Variants in PEX3 observed in about 807,000 individuals in gnomAD.
PEX3 encodes the protein peroxisomal biogenesis factor 3.
Under a neutral mutation model 55.8 loss-of-function variants are expected in PEX3, and 30 were observed. The observed-to-expected ratio is 0.54, with a 90% CI of 0.40 to 0.73. PEX3 has a LOEUF of 0.73. Ranked by LOEUF, PEX3 falls within the 30% of genes least tolerant of loss-of-function variation. PEX3 has a pLI of 0.00. For synonymous variants in PEX3, 135 were observed against 148.4 expected, an observed-to-expected ratio of 0.91 and a Z score of 0.66; for missense variants, 351 against 432.8, an observed-to-expected ratio of 0.81 and a Z score of 1.68.
rs1779796924 is a variant in PEX3 at position 143,453,079 on chromosome 6, T to C, written c.73+1964T>C. Among the ~76,000 whole-genome samples, 1 of 152,202 alleles carries C rather than the reference T, an allele frequency of 6.6e-6. No homozygotes were observed. Among genetic ancestry groups the C allele is most frequent in the African/African-American group, 2.4e-5 (1 of 41,436 alleles). On this transcript the variant is annotated intron_variant, in intron 1 of 11. Coordinates refer to ENST00000367591, the MANE Select transcript of PEX3 (RefSeq NM_003630.3). The surrounding 1 kb of genome is among the most constrained non-coding windows in gnomAD (Gnocchi z 4.6). ...GAACTGGAATTCAAACCCAGGTGTG[T>C]TGGACCACAAAGCACATTCTATTTC...
intron 9 of PEX3, among the ~76,000 whole-genome samples, chr6:143,478,592 AAG>A (rs1255627622): frequency 6.6e-6 from 1 of 152,020 alleles, no homozygotes; most frequent in Admixed American, 6.6e-5. Context: ...GTGAGGAACT[AAG>A]AGAGTATAAT....
chr6:143,472,007 T>TG (rs1322877246), intron 7 of PEX3, among the ~76,000 whole-genome samples, 153 bp from the exon 8 acceptor site: 7 of 152,296 alleles, frequency 4.6e-5, no homozygotes, highest in Admixed American at 2.6e-4. Context: ...CCTTAACTAG[T>TG]GGCTGATTTC....
rs1003164398 is a variant in PEX3, at chr6:143,478,329, T to G, written c.819-747T>G. ...TCTAAAATTGGATTGTAGCGATAGT[T>G]GCACAACTATGCAAATTTACTCAAA... On this transcript the variant is annotated intron_variant, in intron 9 of 11. Transcript: ENST00000367591. Among the ~76,000 whole-genome samples the G allele has an allele frequency of 7.2e-5, 11 of 152,262 alleles. 2 individuals are homozygous for G. Among genetic ancestry groups the G allele is most frequent in the East Asian group, 1.9e-4 (1 of 5,184 alleles).
intron 1 of PEX3, among the ~76,000 whole-genome samples, chr6:143,455,359 ATTTTTTTTTTT>A (rs56788350): frequency 1.4e-5 from 1 of 71,968 alleles, no homozygotes; most frequent in Non-Finnish European, 2.7e-5. Flanking sequence ...CGCCCGGCTA[ATTTTTTTTTTT>A]TTTTTTTTTT....
intron 3 of PEX3, among the ~76,000 whole-genome samples, chr6:143,467,826 C>A (rs1257872539): frequency 6.6e-6 from 1 of 151,998 alleles, no homozygotes; most frequent in Non-Finnish European, 1.5e-5. Context: ...TCTAAAACAG[C>A]AAGTTAGGGA....
chr6:143,462,620 G>GACCA lies in PEX3; in HGVS notation c.206-295_206-292dup, dbSNP rs1779937610. 6.6e-6 allele frequency among the ~76,000 whole-genome samples: 1 copy of GACCA among 152,138 alleles called. No homozygotes were observed. Among genetic ancestry groups the GACCA allele is most frequent in the African/African-American group, 2.4e-5 (1 of 41,428 alleles). The stretch of plus-strand genomic sequence containing the variant: ...AATTGTTCATAATCCATAGCTCAAA[G>GACCA]ACCACCACTGTTAAAATCTGAGAAT... On this transcript the variant is annotated intron_variant, in intron 2 of 11. Coordinates refer to ENST00000367591, the MANE Select transcript of PEX3 (RefSeq NM_003630.3). This position sits in a 1 kb window ranked among gnomAD's most constrained non-coding sequence, Gnocchi z 4.1.
At position 143,486,425 on chromosome 6, in the gene PEX3, C is replaced by T. The variant is rs148073564; in HGVS notation, c.1038+1177C>T. ...CTTAATGCTTAAATAATTTTATGCA[C>T]TACACTTTAATTAAAATCGATATAA... On this transcript the variant is annotated intron_variant, in intron 11 of 11. Transcript: ENST00000367591. This position sits in a 1 kb window ranked among gnomAD's most constrained non-coding sequence, Gnocchi z 5.0. Among the ~76,000 whole-genome samples, 86 of 152,094 alleles carry T rather than the reference C, an allele frequency of 5.7e-4. No homozygotes were observed. Among genetic ancestry groups the T allele is most frequent in the Non-Finnish European group, 1.0e-3 (71 of 67,960 alleles).
Position 143,487,497 on chromosome 6 carries a change from G to T in PEX3, c.1039-1646G>T, listed in dbSNP as rs1780336690. ...TCCTCCAGTGTTTAAATCATTTTTAGTGTATAAATTAAAAACTCAATAAGA... is the reference window on the plus strand; with the variant it reads ...TCCTCCAGTGTTTAAATCATTTTTATTGTATAAATTAAAAACTCAATAAGA... On this transcript the variant is annotated intron_variant, in intron 11 of 11. Coordinates refer to ENST00000367591, the MANE Select transcript of PEX3 (RefSeq NM_003630.3). The surrounding 1 kb of genome is among the most constrained non-coding windows in gnomAD (Gnocchi z 5.3). Among the ~76,000 whole-genome samples, 1 of 152,010 alleles carries T rather than the reference G, an allele frequency of 6.6e-6. No homozygotes were observed. Among genetic ancestry groups the T allele is most frequent in the Non-Finnish European group, 1.5e-5 (1 of 67,974 alleles).
At chr6:143,455,502 AC>A (rs1779834252) in intron 1 of PEX3, among the ~76,000 whole-genome samples, 1 of 150,168 alleles carries the variant, frequency 6.7e-6, no homozygotes, top group Non-Finnish European at 1.5e-5. Flanking sequence ...GGCATGAGCC[AC>A]CGCGCCCTGC....
Position 143,458,040 on chromosome 6 carries a change from T to C in PEX3, c.74-1045T>C, listed in dbSNP as rs1779870106. Among the ~76,000 whole-genome samples, 2 of 152,188 alleles carry C rather than the reference T, an allele frequency of 1.3e-5. No homozygotes were observed. Among genetic ancestry groups the C allele is most frequent in the Non-Finnish European group, 2.9e-5 (2 of 68,016 alleles). On this transcript the variant is annotated intron_variant, in intron 1 of 11. Transcript: ENST00000367591. The surrounding 1 kb of genome is among the most constrained non-coding windows in gnomAD (Gnocchi z 6.1). ...CAGTATCTTGAAAACCATTAATCTATGAAAATCCATTCCTGATAATCATTA... is the reference window on the plus strand; with the variant it reads ...CAGTATCTTGAAAACCATTAATCTACGAAAATCCATTCCTGATAATCATTA...
At position 143,487,014 on chromosome 6, in the gene PEX3, G is replaced by A. The variant is rs1171017816; in HGVS notation, c.1038+1766G>A. ...AGGCCATACTTTGCTGACCCCTTTGGTAGAAGATATTAGGATGGTAGTTGG... is the reference window on the plus strand; with the variant it reads ...AGGCCATACTTTGCTGACCCCTTTGATAGAAGATATTAGGATGGTAGTTGG... On this transcript the variant is annotated intron_variant, in intron 11 of 11. Transcript: ENST00000367591. This position sits in a 1 kb window ranked among gnomAD's most constrained non-coding sequence, Gnocchi z 5.3. Among the ~76,000 whole-genome samples, 4 of 152,198 alleles carry A rather than the reference G, an allele frequency of 2.6e-5. No individual in the cohort carries two copies. Among genetic ancestry groups the A allele is most frequent in the Admixed American group, 2.6e-4 (4 of 15,268 alleles).
At position 143,489,279 on chromosome 6, in the gene PEX3, T is replaced by C; in HGVS notation, c.*53T>C. On this transcript the variant is annotated 3_prime_UTR_variant, in exon 12 of 12. Transcript: ENST00000367591. This position sits in a 1 kb window ranked among gnomAD's most constrained non-coding sequence, Gnocchi z 5.5. ...GATTCATTTACTTTTTAAAATACAC[T>C]GGGTAAATCACCTATACTTAGAGTA... The C allele has an allele frequency of 1.1e-6, 1 of 942,332 alleles. No individual in the cohort carries two copies. Among genetic ancestry groups the C allele is most frequent in the Non-Finnish European group, 1.8e-6 (1 of 567,790 alleles). 58.4% of individuals were successfully genotyped at this position (942,332 alleles called of 1,614,324 possible). A position where few individuals can be genotyped will look rare whatever the true frequency, so the allele number is the denominator to read the frequency against.
In PEX3 at chr6:143,482,276, CTGTT is replaced by C. The variant is rs767007783; in HGVS notation, c.942-2875_942-2872del. Among the ~76,000 whole-genome samples, 3 of 152,036 alleles carry C rather than the reference CTGTT, an allele frequency of 2.0e-5. No individual in the cohort carries two copies. Among genetic ancestry groups the C allele is most frequent in the Admixed American group, 6.6e-5 (1 of 15,254 alleles). Reference sequence around the variant, plus strand: ...TGAGTGTTCTTACCATTTTAATAAACTGTTAGTTGACCGTTGGTTTTCTAAGTTA... The same window carrying C: ...TGAGTGTTCTTACCATTTTAATAAACAGTTGACCGTTGGTTTTCTAAGTTA... On this transcript the variant is annotated intron_variant, in intron 10 of 11. Transcript: ENST00000367591. This position sits in a 1 kb window ranked among gnomAD's most constrained non-coding sequence, Gnocchi z 5.5.
chr6:143,453,902 C>G lies in PEX3; in HGVS notation c.73+2787C>G, dbSNP rs1273943120. Among the ~76,000 whole-genome samples the G allele has an allele frequency of 6.6e-6, 1 of 152,126 alleles. No individual in the cohort carries two copies. Among genetic ancestry groups the G allele is most frequent in the East Asian group, 1.9e-4 (1 of 5,186 alleles). On this transcript the variant is annotated intron_variant, in intron 1 of 11. Transcript: ENST00000367591. This position sits in a 1 kb window ranked among gnomAD's most constrained non-coding sequence, Gnocchi z 4.6. ...ATAATTTGACCAGTTTGTGAAAAGACTAGAGAATTGACTCCCAAACTTTTT... is the reference window on the plus strand; with the variant it reads ...ATAATTTGACCAGTTTGTGAAAAGAGTAGAGAATTGACTCCCAAACTTTTT...
rs755239073 is a variant in PEX3, at chr6:143,462,886, C to T, written c.206-30C>T. 3 of 1,485,886 alleles carry T rather than the reference C, an allele frequency of 2.0e-6. No individual in the cohort carries two copies. The highest frequency in any genetic ancestry group is 2.7e-6 in the Non-Finnish European group (3 of 1,099,976). 92.0% of individuals were successfully genotyped at this position (1,485,886 alleles called of 1,614,324 possible). On this transcript the variant is annotated intron_variant, in intron 2 of 11. Transcript: ENST00000367591. The surrounding 1 kb of genome is among the most constrained non-coding windows in gnomAD (Gnocchi z 4.1). ...GTGAGGGCAGTCATATCACTTGTGA[C>T]CTTTTTTATTTTTTTTGTTTGTATT...
intron 4 of PEX3, among the ~76,000 whole-genome samples, chr6:143,470,278 T>C (rs1780055063): frequency 6.6e-6 from 1 of 152,090 alleles, no homozygotes; most frequent in African/African-American, 2.4e-5. Context: ...ATGACCAAGA[T>C]TTCTACATTC....
At chr6:143,473,946 A>G (rs952054866) in intron 8 of PEX3, among the ~76,000 whole-genome samples, 1 of 151,706 alleles carries the variant, frequency 6.6e-6, no homozygotes, top group African/African-American at 2.4e-5. Flanking sequence ...GGGAAGCATA[A>G]CAAGACCCTA....
At position 143,486,251 on chromosome 6, in the gene PEX3, A is replaced by G. The variant is rs779294950; in HGVS notation, c.1038+1003A>G. Among the ~76,000 whole-genome samples, 6 of 152,254 alleles carry G rather than the reference A, an allele frequency of 3.9e-5. No individual in the cohort carries two copies. The highest frequency in any genetic ancestry group is 7.2e-5 in the African/African-American group (3 of 41,562). On this transcript the variant is annotated intron_variant, in intron 11 of 11. Coordinates refer to ENST00000367591, the MANE Select transcript of PEX3 (RefSeq NM_003630.3). This position sits in a 1 kb window ranked among gnomAD's most constrained non-coding sequence, Gnocchi z 5.0. Reference sequence around the variant, plus strand: ...TTACTGAATGTTAAGCTTCACATCTATATCAATGTGAGAAAAAGGTCATAA... The same window carrying G: ...TTACTGAATGTTAAGCTTCACATCTGTATCAATGTGAGAAAAAGGTCATAA...
At chr6:143,474,488 C>T (rs1780124256) in intron 8 of PEX3, among the ~76,000 whole-genome samples, 1 of 151,208 alleles carries the variant, frequency 6.6e-6, no homozygotes, top group African/African-American at 2.4e-5. Flanking sequence ...CAGACCTCTG[C>T]AAACTCAAAA....
Sources: gnomAD v4.1 joint callset for allele counts (sites outside exome capture counted in the v4.1 genomes callset) on GRCh38, gnomAD v4.1.1 for gene constraint, Gnocchi (gnomAD v3.1) non-coding constraint, MANE v1.5 for transcripts, NCBI Gene and HGNC (gene_info 2026-07-23, HGNC 2026-07-21) for gene names.